The following MUC17 variants were observed in gnomAD, a reference collection of about 807,000 sequenced individuals.
MUC17 encodes mucin-17.
Under a neutral mutation model 170.3 loss-of-function variants are expected in MUC17, and 190 were observed. The observed-to-expected ratio is 1.12, with a 90% CI of 0.99 to 1.26. MUC17 has a LOEUF of 1.26. MUC17 is among the 50% of genes most tolerant of loss of function. The pLI, the probability that MUC17 is intolerant of heterozygous loss-of-function variation, is 0.00. For missense variants in MUC17, 6,415 were observed against 5,530.0 expected (o/e 1.16, Z -5.08); for synonymous variants, 2,325 against 2,002.5 (o/e 1.16, Z -4.30).
intron 12 of MUC17, among the ~76,000 whole-genome samples, chr7:101,057,134 T>C (rs896616645): frequency 3.0e-4 from 45 of 152,218 alleles, no homozygotes; most frequent in African/African-American, 9.9e-4. Context: ...ATTTTTGTTA[T>C]ATCATAGATA....
At position 101,036,202 on chromosome 7, in the gene MUC17, AC is replaced by A. The variant is rs778441557; in HGVS notation, c.4790del (p.Pro1597LeufsTer8). 1.0e-4 allele frequency: 167 copies of A among 1,613,636 alleles called. No homozygotes were observed. The Middle Eastern group carries it at 1.5e-3, about 14-fold the overall frequency. ...VSSEANTLST[T>X]PIDSKTQVTA... is the part of the protein sequence containing the mutation. ...TTCTGAGGCTAACACCCTTTCAACA[AC>A]CCCTATTGACTCCAAAACTCAGGTG... is the stretch of plus-strand genomic sequence containing the variant. On this transcript the variant is annotated frameshift_variant, in exon 3 of 13. Transcript: ENST00000306151. LOFTEE classifies it high-confidence loss of function.
intron 9 of MUC17, among the ~76,000 whole-genome samples, 185 bp from the exon 10 acceptor site, chr7:101,052,801 T>C (rs556495817): frequency 1.3e-5 from 2 of 152,296 alleles, no homozygotes; most frequent in East Asian, 3.9e-4. Context: ...TGGGCTCATT[T>C]GAGGACCACC....
At position 101,035,181 on chromosome 7, in the gene MUC17, A is replaced by T. The variant is rs756491461; in HGVS notation, c.3765A>T (p.Glu1255Asp). ...DTSTPVTTSAETSSSPTTAEG... is the reference protein window; with the variant it reads ...DTSTPVTTSADTSSSPTTAEG... The stretch of plus-strand genomic sequence containing the variant: ...GCACACCTGTGACCACTTCTGCTGA[A>T]ACCAGTTCCTCTCCTACAACCGCTG... The change falls in exon 3 of 13, where the codon GAA (glutamate) becomes GAT (aspartate). Residue 1255 changes from glutamate to aspartate, a missense_variant. Transcript: ENST00000306151. 6.1e-5 allele frequency: 99 copies of T among 1,610,400 alleles called. No individual in the cohort carries two copies. The highest frequency in any genetic ancestry group is 7.8e-5 in the Non-Finnish European group (92 of 1,178,238).
Position 101,038,541 on chromosome 7 carries a change from C to T in MUC17, c.7125C>T (p.Ala2375=), listed in dbSNP as rs189420932. The T allele has an allele frequency of 2.5e-5, 41 of 1,614,018 alleles. No homozygotes were observed. Among genetic ancestry groups the T allele is most frequent in the South Asian group, 3.3e-5 (3 of 91,074 alleles). Residue 2375 remains alanine, a synonymous_variant, in exon 3 of 13, where the codon GCC becomes GCT. Transcript: ENST00000306151. ...CACCTGTGACTACTTATTCTCAAGC[C>T]GGTTCATCTCCTACAACTGCTGACG... is the stretch of plus-strand genomic sequence containing the variant. The part of the protein sequence containing the change: ...TSTPVTTYSQ[A]GSSPTTADDT...
intron 1 of MUC17, among the ~76,000 whole-genome samples, chr7:101,020,601 C>A (rs1432237705): frequency 3.3e-5 from 5 of 152,074 alleles, no homozygotes; most frequent in African/African-American, 1.2e-4. Context: ...CTATCCTTAC[C>A]CAGTGAATGT....
At position 101,036,696 on chromosome 7, in the gene MUC17, G is replaced by A. The variant is rs149337515; in HGVS notation, c.5280G>A (p.Pro1760=). 975 of 1,610,376 alleles carry A rather than the reference G, an allele frequency of 6.1e-4. 2 individuals are homozygous for A. Among genetic ancestry groups the A allele is most frequent in the Middle Eastern group, 1.8e-3 (11 of 6,028 alleles). Residue 1760 remains proline (P), a synonymous_variant, in exon 3 of 13, where the codon CCG becomes CCA. Transcript: ENST00000306151. ...PLTSIPVSTT[P]VLSSEASTLS... ...CAAGTATACCTGTCAGCACCACGCC[G>A]GTACTCAGTTCTGAGGCTAGCACCC... is the stretch of plus-strand genomic sequence containing the variant.
At position 101,032,868 on chromosome 7, in the gene MUC17, C is replaced by G. The variant is rs760837383; in HGVS notation, c.1452C>G (p.Thr484=). The change falls in exon 3 of 13, where the codon ACC becomes ACG. Residue 484 remains threonine, a synonymous_variant. Transcript: ENST00000306151. ...TTPVDSKTQV[T]TSTEASSSPP... ...CTGTTGACTCCAAAACTCAGGTGAC[C>G]ACTTCTACTGAAGCCAGTTCATCTC... 5 of 1,613,800 alleles carry G rather than the reference C, an allele frequency of 3.1e-6. No individual in the cohort carries two copies. The Admixed American group carries it at 6.7e-5, about 22-fold the overall frequency.
rs779655877 is a variant in MUC17 at position 101,041,773 on chromosome 7, A to G, written c.10357A>G (p.Thr3453Ala). Residue 3453 changes from threonine (T) to alanine (A), a missense_variant, in exon 3 of 13, where the codon ACT becomes GCT. Physicochemically the swap from Thr to Ala is moderately conservative, Grantham distance 58 (BLOSUM62 0). Coordinates refer to ENST00000306151, the MANE Select transcript of MUC17 (RefSeq NM_001040105.2). ...AEGTSLPTSTTSEGSTPLSIM... is the reference protein window; with the variant it reads ...AEGTSLPTSTASEGSTPLSIM... ...AGGTACCAGCTTGCCAACCTCAACT[A>G]CTAGTGAAGGAAGCACTCCATTATC... 9.9e-6 allele frequency: 16 copies of G among 1,608,462 alleles called. No individual in the cohort carries two copies. Among genetic ancestry groups the G allele is most frequent in the Non-Finnish European group, 1.4e-5 (16 of 1,178,392 alleles).
At position 101,051,675 on chromosome 7, in the gene MUC17, C is replaced by T; in HGVS notation, c.12937C>T (p.Pro4313Ser). 2 of 1,611,672 alleles carry T rather than the reference C, an allele frequency of 1.2e-6. No individual in the cohort carries two copies. Among genetic ancestry groups the T allele is most frequent in the African/African-American group, 1.3e-5 (1 of 74,868 alleles). ...VQNITVTQYD[P>S]EEDCRKMAKE... ...AAACATTACGGTGACCCAGTACGAC[C>T]CTGAAGGTAGGTGATAACACAAGGG... Residue 4313 changes from proline to serine, a missense_variant, in exon 8 of 13, where the codon CCT becomes TCT. By Grantham distance (74) the Pro-to-Ser change is moderately conservative (BLOSUM62 -1). Coordinates refer to ENST00000306151, the MANE Select transcript of MUC17 (RefSeq NM_001040105.2).
At chr7:101,030,723 C>T (rs1794263383) in intron 1 of MUC17, among the ~76,000 whole-genome samples, 1 of 151,958 alleles carries the variant, frequency 6.6e-6, no homozygotes, top group Non-Finnish European at 1.5e-5. Context: ...CATGTGCCAC[C>T]ATCCCCAGCT....
At chr7:101,050,791 C>A (rs1794926755) in intron 7 of MUC17, among the ~76,000 whole-genome samples, 156 bp downstream of exon 7, 1 of 151,992 alleles carries the variant, frequency 6.6e-6, no homozygotes, top group Admixed American at 6.6e-5. Context: ...CGCAAAGAAG[C>A]CCCAGGATTG....
rs754829797 is a variant in MUC17 at position 101,032,221 on chromosome 7, G to A, written c.805G>A (p.Ala269Thr). The A allele has an allele frequency of 8.7e-6, 14 of 1,613,822 alleles. No homozygotes were observed. The South Asian group carries it at 9.9e-5, about 11-fold the overall frequency. ...TAEGPSLSNS[A>T]PSGGSTPLTR... ...TGAAGGTCCCAGCCTGTCAAACTCA[G>A]CTCCTAGTGGAGGAAGCACTCCATT... Residue 269 changes from alanine (A) to threonine (T), a missense_variant, in exon 3 of 13, where the codon GCT (alanine) becomes ACT (threonine). Coordinates refer to ENST00000306151, the MANE Select transcript of MUC17 (RefSeq NM_001040105.2).
rs755367831 is a variant in MUC17 at position 101,039,164 on chromosome 7, C to A, written c.7748C>A (p.Thr2583Asn). The change falls in exon 3 of 13, where the codon ACC becomes AAC. Residue 2583 changes from threonine to asparagine, a missense_variant. Coordinates refer to ENST00000306151, the MANE Select transcript of MUC17 (RefSeq NM_001040105.2). Reference sequence around the variant, plus strand: ...CCATTAAGAAGTATGCCTGTCAGCACCAAGCCGTTGGCCAGTTCTGAGGCT... The same window carrying A: ...CCATTAAGAAGTATGCCTGTCAGCAACAAGCCGTTGGCCAGTTCTGAGGCT... ...STPLRSMPVS[T>N]KPLASSEAST... The A allele has an allele frequency of 6.2e-7, 1 of 1,613,910 alleles. No homozygotes were observed. The highest frequency in any genetic ancestry group is 1.1e-5 in the South Asian group (1 of 91,066).
chr7:101,048,430 T>TA (rs745942484), intron 4 of MUC17, among the ~76,000 whole-genome samples: 73 of 149,474 alleles, frequency 4.9e-4, no homozygotes, highest in Admixed American at 1.8e-3. Context: ...ATTTATTTAT[T>TA]TAAAAAAAAA....
intron 12 of MUC17, 41 bp from the exon 13 acceptor site, chr7:101,057,962 T>A (rs760951628): frequency 1.3e-5 from 21 of 1,599,890 alleles, no homozygotes; most frequent in Non-Finnish European, 1.8e-5. Flanking sequence ...CCCAAATTCC[T>A]CATGGGCTGA....
rs374851697 is a variant in MUC17 at position 101,040,958 on chromosome 7, A to G, written c.9542A>G (p.Asp3181Gly). 1.2e-6 allele frequency: 2 copies of G among 1,603,788 alleles called. No individual in the cohort carries two copies. Among genetic ancestry groups the G allele is most frequent in the African/African-American group, 2.8e-5 (2 of 71,268 alleles). ...ACCATGCTGGTAGTCAGTTCTGAGG[A>G]TAGCACCCTTTCAGCAACTCCTGTT... ...VSTMLVVSSE[D>G]STLSATPVDT... Residue 3181 changes from aspartate to glycine, a missense_variant, in exon 3 of 13, where the codon GAT (aspartate) becomes GGT (glycine). Transcript: ENST00000306151.
Position 101,043,311 on chromosome 7 carries a change from G to A in MUC17, c.11895G>A (p.Val3965=), listed in dbSNP as rs1367752385. The change falls in exon 3 of 13, where the codon GTG becomes GTA. Residue 3965 remains valine, a synonymous_variant. Coordinates refer to ENST00000306151, the MANE Select transcript of MUC17 (RefSeq NM_001040105.2). ...CAACTGGTGCTGTATCTACCCCTGT[G>A]ATAACTTCCACTGAACTAAACACAC... ...PATTGAVSTP[V]ITSTELNTPS... is the part of the protein sequence containing the mutation. 4 of 1,614,014 alleles carry A rather than the reference G, an allele frequency of 2.5e-6. No homozygotes were observed. The highest frequency in any genetic ancestry group is 2.5e-6 in the Non-Finnish European group (3 of 1,180,050).
rs1033018413 is a variant in MUC17, at chr7:101,041,936, T to G, written c.10520T>G (p.Met3507Arg). Residue 3507 changes from methionine (M) to arginine (R), a missense_variant, in exon 3 of 13, where the codon ATG becomes AGG. Physicochemically the swap from Met to Arg is moderately conservative, Grantham distance 91. Coordinates refer to ENST00000306151, the MANE Select transcript of MUC17 (RefSeq NM_001040105.2). ...SSPTTAEVTSMPTSTAGEGST... is the reference protein window; with the variant it reads ...SSPTTAEVTSRPTSTAGEGST... ...CCTACAACTGCTGAAGTTACCAGCA[T>G]GCCAACATCAACTGCTGGTGAAGGA... is the stretch of plus-strand genomic sequence containing the variant. The G allele has an allele frequency of 1.2e-6, 2 of 1,613,076 alleles. No homozygotes were observed. Among genetic ancestry groups the G allele is most frequent in the African/African-American group, 1.3e-5 (1 of 74,492 alleles).
rs1795095375 is a variant in MUC17 at position 101,058,631 on chromosome 7, A to C, written c.*587A>C. On this transcript the variant is annotated 3_prime_UTR_variant, in exon 13 of 13. Coordinates refer to ENST00000306151, the MANE Select transcript of MUC17 (RefSeq NM_001040105.2). ...TGTTTACAACCATGACCCCTTGGAC[A>C]CTGGACTGCATGCACTTTACATATC... 1 of 152,228 alleles carries C rather than the reference A, an allele frequency of 6.6e-6. No homozygotes were observed. 9.4% of individuals were successfully genotyped at this position (152,228 alleles called of 1,614,324 possible). A position where few individuals can be genotyped will look rare whatever the true frequency, so the allele number is the denominator to read the frequency against.
Sources: gnomAD v4.1 joint callset for allele counts (sites outside exome capture counted in the v4.1 genomes callset) on GRCh38, gnomAD v4.1.1 for gene constraint, MANE v1.5 for transcripts, NCBI Gene and HGNC (gene_info 2026-07-23, HGNC 2026-07-21) for gene names.